Variants in NUP133 observed in about 807,000 individuals in gnomAD.
The protein encoded by NUP133 is nucleoporin 133.
Under a neutral mutation model 146.2 loss-of-function variants are expected in NUP133, and 66 were observed. The observed-to-expected ratio is 0.45, with a 90% confidence interval of 0.37 to 0.55. The LOEUF is 0.55. NUP133 is among the 20% of genes least tolerant of loss of function. The pLI, the probability that NUP133 is intolerant of heterozygous loss-of-function variation, is 0.00. For missense variants in NUP133, 1,277 were observed against 1,374.8 expected, an observed-to-expected ratio of 0.93 and a Z score of 1.12; for synonymous variants, 521 against 498.8, an observed-to-expected ratio of 1.04 and a Z score of -0.59.
chr1:229,445,983 G>C (rs1297410439), intron 24 of NUP133, among the ~76,000 whole-genome samples: 1 of 152,150 alleles, frequency 6.6e-6, no homozygotes. Flanking sequence ...TTCATGCTTT[G>C]TTTAAAATTC....
intron 2 of NUP133, among the ~76,000 whole-genome samples, chr1:229,502,558 CAAAAAAAAAAAA>C (rs58520087): frequency 1.2e-4 from 5 of 43,118 alleles, no homozygotes; most frequent in Admixed American, 3.1e-4. Flanking sequence ...GACTCCATCT[CAAAAAAAAAAAA>C]AAAAAAAAAA....
intron 12 of NUP133, among the ~76,000 whole-genome samples, chr1:229,481,233 T>C (rs1661203597): frequency 6.6e-6 from 1 of 152,170 alleles, no homozygotes; most frequent in African/African-American, 2.4e-5. Context: ...GGTCCCTTCT[T>C]GTGCCTAATA....
intron 13 of NUP133, among the ~76,000 whole-genome samples, 170 bp from the exon 14 acceptor site, chr1:229,475,902 G>T (rs974818510): frequency 6.6e-6 from 1 of 152,190 alleles, no homozygotes; most frequent in African/African-American, 2.4e-5. Context: ...GAGGTCAAGA[G>T]ATCGAGACCA....
chr1:229,489,852 G>A, intron 9 of NUP133, 103 bp downstream of exon 9: 1 of 1,075,580 alleles, frequency 9.3e-7, no homozygotes, highest in Non-Finnish European at 1.3e-6. Context: ...CTCCAGCCTG[G>A]GTGACAGAGC....
intron 18 of NUP133, 54 bp from the exon 19 acceptor site, chr1:229,463,730 G>A: frequency 6.6e-7 from 1 of 1,507,784 alleles, no homozygotes; most frequent in Non-Finnish European, 8.9e-7. Flanking sequence ...CTTAAAATCT[G>A]TAATAAAAAA....
At chr1:229,443,048 A>G (rs112424263) in intron 25 of NUP133, among the ~76,000 whole-genome samples, 10 of 151,750 alleles carry the variant, frequency 6.6e-5, no homozygotes, top group Admixed American at 2.6e-4. Flanking sequence ...TTTTATTGAG[A>G]CAGGGTCTCC....
At chr1:229,458,099 C>A (rs968022843) in intron 21 of NUP133, 62 bp downstream of exon 21, 1 of 1,532,598 alleles carries the variant, frequency 6.5e-7, no homozygotes, top group South Asian at 1.2e-5. Context: ...ATGACAGGAA[C>A]ACATCATGAG....
chr1:229,483,981 C>T, intron 12 of NUP133, 73 bp downstream of exon 12: 1 of 1,056,310 alleles, frequency 9.5e-7, no homozygotes, highest in Non-Finnish European at 1.4e-6. Flanking sequence ...TCCCACCAGT[C>T]AATAAGTAGC....
chr1:229,483,998 C>A, intron 12 of NUP133, 56 bp downstream of exon 12: 1 of 1,224,700 alleles, frequency 8.2e-7, no homozygotes, highest in South Asian at 1.3e-5. Context: ...TAGCACATGT[C>A]AGTAAAACAT....
chr1:229,460,725 C>A lies in NUP133; in HGVS notation c.2730G>T (p.Lys910Asn). 1.2e-6 allele frequency: 2 copies of A among 1,613,970 alleles called. No individual in the cohort carries two copies. The highest frequency in any genetic ancestry group is 1.1e-5 in the South Asian group (1 of 91,018). ...FLFRWYLEKG[K>N]RGKLLSQPIS... ...TGGGCTGAGATAATAATTTGCCTCG[C>A]TTTCCTTTCTCCAGATACCAACGGA... Residue 910 changes from lysine (K) to asparagine (N), a missense_variant, in exon 20 of 26, where the codon AAG becomes AAT. Physicochemically the swap from Lys to Asn is moderately conservative, Grantham distance 94. Coordinates refer to ENST00000261396, the MANE Select transcript of NUP133 (RefSeq NM_018230.3).
intron 18 of NUP133, 131 bp from the exon 19 acceptor site, chr1:229,463,807 C>T: frequency 1.0e-6 from 1 of 990,122 alleles, no homozygotes; most frequent in Non-Finnish European, 1.4e-6. Flanking sequence ...GGAAACCTTC[C>T]CACTTACTGG....
chr1:229,501,572 G>GA (rs1252099845), intron 3 of NUP133, among the ~76,000 whole-genome samples: 2 of 152,208 alleles, frequency 1.3e-5, no homozygotes, highest in East Asian at 3.8e-4. Context: ...GTGGACAAGT[G>GA]AAAAGTTTAA....
chr1:229,457,608 A>G (rs1180992262), intron 21 of NUP133, among the ~76,000 whole-genome samples: 1 of 152,108 alleles, frequency 6.6e-6, no homozygotes, highest in Non-Finnish European at 1.5e-5. Context: ...TTAATTTTGC[A>G]TTATTTTTGT....
chr1:229,490,591 A>G (rs946082305), intron 8 of NUP133, among the ~76,000 whole-genome samples: 1 of 152,134 alleles, frequency 6.6e-6, no homozygotes, highest in African/African-American at 2.4e-5. Context: ...CAGAAAGCAC[A>G]AGGGAATTTG....
intron 25 of NUP133, among the ~76,000 whole-genome samples, chr1:229,444,519 A>T (rs975395355): frequency 1.3e-5 from 2 of 152,156 alleles, no homozygotes; most frequent in African/African-American, 4.8e-5. Context: ...TATGAAAGGA[A>T]GCTACAAATC....
rs1474793556 is a variant in NUP133 at position 229,496,082 on chromosome 1, A to G, written c.820-35T>C. The G allele has an allele frequency of 2.7e-6, 4 of 1,493,172 alleles. No individual in the cohort carries two copies. The East Asian group carries it at 9.4e-5, about 35-fold the overall frequency. The allele number at this position is 1,493,172 out of a possible 1,614,324, so 92.5% of individuals were successfully genotyped here. A position where few individuals can be genotyped will look rare whatever the true frequency, so the allele number is the denominator to read the frequency against. ...AAAGAAAAGGAAGTCAAATTCACAG[A>G]TTAACTTCTAATGCTAAGGAACTAT... On this transcript the variant is annotated intron_variant, in intron 6 of 25. Transcript: ENST00000261396.
rs28365772 is a variant in NUP133, at chr1:229,461,319, A to T, written c.2686-550T>A. Among the ~76,000 whole-genome samples, 14 of 152,202 alleles carry T rather than the reference A, an allele frequency of 9.2e-5. 1 individual carries two copies. In the East Asian group the frequency reaches 2.7e-3, roughly 29 times the overall value. ...AGTTTTCCCCACTGGCTGTTTGTGG[A>T]GTGTTGGGGTGGTGTGGAGGCTGAG... On this transcript the variant is annotated intron_variant, in intron 19 of 25. Coordinates refer to ENST00000261396, the MANE Select transcript of NUP133 (RefSeq NM_018230.3).
At chr1:229,503,364 A>G (rs1485832874) in intron 2 of NUP133, among the ~76,000 whole-genome samples, 4 of 152,236 alleles carry the variant, frequency 2.6e-5, no homozygotes, top group African/African-American at 9.6e-5. Context: ...TTAACTATAT[A>G]AAACATTTCA....
Position 229,470,672 on chromosome 1 carries a change from C to A in NUP133, c.1984G>T (p.Asp662Tyr). ...ATCAATATGGCTGTGTTGACAAGGT[C>A]AGAAAGCCGGGAGTGGTGGTTCTTG... Reference protein sequence around the residue: ...VLKNHHSRLSDLVNTAILIAL... With the variant: ...VLKNHHSRLSYLVNTAILIAL... The change falls in exon 15 of 26, where the codon GAC becomes TAC. Residue 662 changes from aspartate (D) to tyrosine (Y), a missense_variant. Around this residue, in one of 3 missense-constraint regions of NUP133, gnomAD observed 952 missense variants for 1,047.0 expected, o/e 0.91. Coordinates refer to ENST00000261396, the MANE Select transcript of NUP133 (RefSeq NM_018230.3). 6.2e-7 allele frequency: 1 copy of A among 1,614,116 alleles called. No homozygotes were observed. The highest frequency in any genetic ancestry group is 8.5e-7 in the Non-Finnish European group (1 of 1,180,012).
Sources: allele counts gnomAD v4.1 joint callset (sites outside exome capture counted in the v4.1 genomes callset), GRCh38; gene constraint gnomAD v4.1.1; regional missense constraint gnomAD v4.1.1; transcripts MANE v1.5; gene names NCBI Gene and HGNC (gene_info 2026-07-23, HGNC 2026-07-21).